TRABD2B: variants seen among roughly 807,000 people sequenced by gnomAD.
The protein encoded by TRABD2B is metalloprotease TIKI2.
A neutral mutation model predicts 40.1 loss-of-function variants in TRABD2B; 14 were observed. That is an observed-to-expected ratio of 0.35 (90% CI 0.23 to 0.55). The LOEUF (loss-of-function observed/expected upper bound fraction) is 0.55, where lower values mean the gene tolerates loss of function less well. Among genes scored for constraint, TRABD2B ranks in the 20% least tolerant of loss-of-function variants. TRABD2B has a pLI of 0.90. For missense variants in TRABD2B, 541 were observed against 648.6 expected, an observed-to-expected ratio of 0.83 and a Z score of 1.80; for synonymous variants, 263 against 277.0, an observed-to-expected ratio of 0.95 and a Z score of 0.50.
rs903295393 is a variant in TRABD2B at position 47,930,329 on chromosome 1, C to A, written c.666+63705G>T. Among the ~76,000 whole-genome samples, 4 of 152,198 alleles carry A rather than the reference C, an allele frequency of 2.6e-5. No homozygotes were observed. In the East Asian group the frequency reaches 7.7e-4, roughly 29 times the overall value. On this transcript the variant is annotated intron_variant, in intron 2 of 6. Coordinates refer to ENST00000606738, the MANE Select transcript of TRABD2B (RefSeq NM_001194986.2). ...AGGCAGGCGAAAGCAGAGTGCACAGCCTCTTCCTGAGGGGTGTTGGGGTTT... is the reference window on the plus strand; with the variant it reads ...AGGCAGGCGAAAGCAGAGTGCACAGACTCTTCCTGAGGGGTGTTGGGGTTT...
chr1:47,902,776 C>T (rs760079749), intron 2 of TRABD2B, among the ~76,000 whole-genome samples: 16 of 152,170 alleles, frequency 1.1e-4, no homozygotes, highest in Non-Finnish European at 2.2e-4. Flanking sequence ...GTATGAGCCA[C>T]CCTGTTCGGC....
At position 47,866,978 on chromosome 1, in the gene TRABD2B, C is replaced by G. The variant is rs144630988; in HGVS notation, c.667-65359G>C. Among the ~76,000 whole-genome samples, 803 of 152,252 alleles carry G rather than the reference C, an allele frequency of 5.3e-3. 11 individuals carry two copies. The highest frequency in any genetic ancestry group is 0.018 in the African/African-American group (741 of 41,540). ...TCACAGCCAATCTGCCCCTTACCTG[C>G]TGGTAGGAGGAGGCCGCCCTACACT... On this transcript the variant is annotated intron_variant, in intron 2 of 6. Coordinates refer to ENST00000606738, the MANE Select transcript of TRABD2B (RefSeq NM_001194986.2).
At chr1:47,867,282 C>T (rs1318192446) in intron 2 of TRABD2B, among the ~76,000 whole-genome samples, 1 of 152,108 alleles carries the variant, frequency 6.6e-6, no homozygotes, top group Non-Finnish European at 1.5e-5. Flanking sequence ...AATGGTGTGG[C>T]ATCAGGATGT....
chr1:47,940,652 G>A (rs926301067), intron 2 of TRABD2B, among the ~76,000 whole-genome samples: 4 of 152,168 alleles, frequency 2.6e-5, no homozygotes, highest in South Asian at 2.1e-4. Flanking sequence ...CCTGAGCCCC[G>A]CTACAGTGCT....
chr1:47,918,794 G>C (rs4927233), intron 2 of TRABD2B, among the ~76,000 whole-genome samples: 3 of 152,180 alleles, frequency 2.0e-5, no homozygotes, highest in African/African-American at 7.2e-5. Flanking sequence ...CAGAGTCAGG[G>C]CTAGAGGTAA....
At chr1:47,773,988 C>T (rs1039725094) in intron 6 of TRABD2B, among the ~76,000 whole-genome samples, 2 of 152,164 alleles carry the variant, frequency 1.3e-5, no homozygotes, top group African/African-American at 4.8e-5. Flanking sequence ...CAAGAGGCAG[C>T]CCTTGATTCC....
At chr1:47,776,032 C>T (rs1210728958) in intron 5 of TRABD2B, among the ~76,000 whole-genome samples, 12 of 152,062 alleles carry the variant, frequency 7.9e-5, no homozygotes, top group African/African-American at 2.2e-4. Context: ...CAGTCTCCTA[C>T]GCTGTGAAAT....
At chr1:47,802,181 G>A (rs992784767) in intron 2 of TRABD2B, among the ~76,000 whole-genome samples, 2 of 152,112 alleles carry the variant, frequency 1.3e-5, no homozygotes, top group Non-Finnish European at 2.9e-5. Flanking sequence ...CTCTGTCCTC[G>A]GGGCCACCGT....
intron 2 of TRABD2B, among the ~76,000 whole-genome samples, chr1:47,916,896 G>A (rs1317784907): frequency 1.3e-5 from 2 of 152,256 alleles, no homozygotes; most frequent in Non-Finnish European, 2.9e-5. Context: ...AGTCGAGAAA[G>A]CTCCAACTAT....
At chr1:47,854,778 T>C (rs1459378312) in intron 2 of TRABD2B, among the ~76,000 whole-genome samples, 1 of 152,206 alleles carries the variant, frequency 6.6e-6, no homozygotes, top group Non-Finnish European at 1.5e-5. Flanking sequence ...CTGAGCTTGT[T>C]TGCATTTTGT....
intron 2 of TRABD2B, among the ~76,000 whole-genome samples, chr1:47,907,260 T>G (rs1644691190): frequency 6.6e-6 from 1 of 152,230 alleles, no homozygotes; most frequent in African/African-American, 2.4e-5. Context: ...CGGGCTGGGC[T>G]ACTAACATGG....
At chr1:47,952,158 C>T (rs1645354079) in intron 2 of TRABD2B, among the ~76,000 whole-genome samples, 1 of 152,246 alleles carries the variant, frequency 6.6e-6, no homozygotes, top group Non-Finnish European at 1.5e-5. Context: ...ATGTGCCACA[C>T]TCCAAGGCAC....
intron 2 of TRABD2B, among the ~76,000 whole-genome samples, chr1:47,974,860 T>A (rs1402386880): frequency 6.6e-6 from 1 of 152,226 alleles, no homozygotes; most frequent in African/African-American, 2.4e-5. Context: ...GTTGCTAGCA[T>A]GTACCTTTGA....
intron 2 of TRABD2B, among the ~76,000 whole-genome samples, chr1:47,923,640 T>C (rs1644930458): frequency 1.3e-5 from 2 of 152,224 alleles, no homozygotes. Flanking sequence ...GATATCTCTT[T>C]AGATGGGGTG....
intron 3 of TRABD2B, among the ~76,000 whole-genome samples, chr1:47,797,559 CA>C (rs1644764747): frequency 1.3e-5 from 2 of 151,374 alleles, no homozygotes; most frequent in Admixed American, 1.3e-4. Flanking sequence ...ATTGGGGAGT[CA>C]AAAAAAATTA....
At chr1:47,899,585 T>C (rs1193891212) in intron 2 of TRABD2B, among the ~76,000 whole-genome samples, 1 of 152,228 alleles carries the variant, frequency 6.6e-6, no homozygotes, top group Non-Finnish European at 1.5e-5. Context: ...GATGCAATCA[T>C]TCAAAGTTGG....
intron 2 of TRABD2B, among the ~76,000 whole-genome samples, chr1:47,874,753 C>T (rs923329116): frequency 2.0e-4 from 30 of 151,562 alleles, no homozygotes; most frequent in African/African-American, 6.8e-4. Flanking sequence ...TATATATACA[C>T]GCACACACAC....
At chr1:47,767,597 A>G (rs1293402405) in intron 6 of TRABD2B, among the ~76,000 whole-genome samples, 1 of 152,220 alleles carries the variant, frequency 6.6e-6, no homozygotes, top group Non-Finnish European at 1.5e-5. Context: ...GCTTTCCTCC[A>G]AGACACAAAA....
At chr1:47,950,788 C>CA (rs1478507887) in intron 2 of TRABD2B, among the ~76,000 whole-genome samples, 5 of 152,246 alleles carry the variant, frequency 3.3e-5, no homozygotes, top group Non-Finnish European at 7.3e-5. Flanking sequence ...CAGCCACCAA[C>CA]ACCTCCCTAT....
Sources: gnomAD v4.1 joint callset for allele counts (sites outside exome capture counted in the v4.1 genomes callset) on GRCh38, gnomAD v4.1.1 for gene constraint, MANE v1.5 for transcripts, NCBI Gene and HGNC (gene_info 2026-07-23, HGNC 2026-07-21) for gene names.